The following CHSY3 variants were observed in gnomAD, a reference collection of about 807,000 sequenced individuals.
CHSY3 encodes N-acetylgalactosaminyl-proteoglycan 3-beta-glucuronosyltransferase 3.
In CHSY3, 35 loss-of-function variants were observed where a neutral mutation model predicts 67.2. The ratio of observed to expected loss-of-function variants is 0.52; its 90% CI spans 0.40 to 0.69. The LOEUF (loss-of-function observed/expected upper bound fraction) is 0.69. CHSY3 is among the 30% of genes least tolerant of loss of function. The pLI is 0.00. For synonymous variants in CHSY3, 474 were observed against 434.7 expected, an observed-to-expected ratio of 1.09 and a Z score of -1.12; for missense variants, 1,069 against 1,138.5, an observed-to-expected ratio of 0.94 and a Z score of 0.88.
intron 2 of CHSY3, among the ~76,000 whole-genome samples, chr5:130,074,445 A>T (rs1407212242): frequency 6.6e-6 from 1 of 152,204 alleles, no homozygotes; most frequent in Non-Finnish European, 1.5e-5. Context: ...AACAGAGTAG[A>T]ATAAAACCGT....
At chr5:129,930,545 T>C (rs78770396) in intron 2 of CHSY3, among the ~76,000 whole-genome samples, 1,616 of 144,460 alleles carry the variant, frequency 0.011, 38 homozygotes, top group African/African-American at 0.038. Context: ...GAGGACTTCA[T>C]GATAAACTTT....
At chr5:130,128,062 C>T (rs1022347810) in intron 2 of CHSY3, among the ~76,000 whole-genome samples, 1 of 152,064 alleles carries the variant, frequency 6.6e-6, no homozygotes, top group Non-Finnish European at 1.5e-5. Context: ...ATGTTTTGTG[C>T]TTGTTCCAAG....
intron 2 of CHSY3, among the ~76,000 whole-genome samples, chr5:130,064,047 TAA>T: frequency 6.6e-6 from 1 of 152,216 alleles, no homozygotes; most frequent in Admixed American, 6.6e-5. Flanking sequence ...TCATATGGAC[TAA>T]GTTTGCCTTC....
At chr5:130,040,222 C>T (rs1441529342) in intron 2 of CHSY3, among the ~76,000 whole-genome samples, 4 of 152,042 alleles carry the variant, frequency 2.6e-5, no homozygotes, top group African/African-American at 9.7e-5. Flanking sequence ...ATTCCATTTT[C>T]AGCCACTAAT....
intron 2 of CHSY3, among the ~76,000 whole-genome samples, chr5:129,950,988 AT>A (rs1321199180): frequency 1.3e-5 from 2 of 152,202 alleles, no homozygotes; most frequent in Non-Finnish European, 2.9e-5. Context: ...CTGATTTCAA[AT>A]TATATTACAC....
At chr5:130,087,374 T>C (rs529548808) in intron 2 of CHSY3, among the ~76,000 whole-genome samples, 16 of 152,186 alleles carry the variant, frequency 1.1e-4, no homozygotes, top group African/African-American at 3.4e-4. Flanking sequence ...CCAGGGCAAT[T>C]AGGCAGGAGA....
At chr5:129,979,544 G>T (rs986201837) in intron 2 of CHSY3, among the ~76,000 whole-genome samples, 2 of 152,024 alleles carry the variant, frequency 1.3e-5, no homozygotes, top group Admixed American at 6.6e-5. Context: ...CATAGCCTCC[G>T]CATTATCAAC....
At chr5:129,992,945 G>A (rs759557861) in intron 2 of CHSY3, among the ~76,000 whole-genome samples, 10 of 151,986 alleles carry the variant, frequency 6.6e-5, no homozygotes, top group Admixed American at 6.6e-5. Flanking sequence ...ATAAATTTTT[G>A]TTCAATATTT....
At chr5:129,959,730 T>A (rs190951081) in intron 2 of CHSY3, among the ~76,000 whole-genome samples, 2 of 152,300 alleles carry the variant, frequency 1.3e-5, no homozygotes, top group East Asian at 3.9e-4. Context: ...ATAGGAAAGA[T>A]GCTGAGAGCT....
intron 2 of CHSY3, among the ~76,000 whole-genome samples, chr5:129,921,347 G>A (rs1307774753): frequency 6.6e-6 from 1 of 152,120 alleles, no homozygotes; most frequent in East Asian, 1.9e-4. Context: ...AATCGAGGTG[G>A]CTACTGAGTG....
intron 2 of CHSY3, among the ~76,000 whole-genome samples, chr5:129,965,171 A>G (rs539855237): frequency 1.3e-5 from 2 of 152,036 alleles, no homozygotes; most frequent in East Asian, 3.9e-4. Flanking sequence ...TTTTGTGGAA[A>G]GAGCTCTGAA....
chr5:130,179,381 C>T (rs1370682563), intron 2 of CHSY3, among the ~76,000 whole-genome samples: 3 of 152,152 alleles, frequency 2.0e-5, no homozygotes, highest in Admixed American at 2.0e-4. Flanking sequence ...GCCTACCCTC[C>T]TATCAATATG....
rs913371478 is a variant in CHSY3, at chr5:129,905,280, G to A, written c.451G>A (p.Gly151Arg). 9 of 1,464,344 alleles carry A rather than the reference G, an allele frequency of 6.1e-6. No homozygotes were observed. Among genetic ancestry groups the A allele is most frequent in the African/African-American group, 2.9e-5 (2 of 70,126 alleles). The allele number at this position is 1,464,344 out of a possible 1,614,324, so 90.7% of individuals were successfully genotyped here. ...AAGQRRDGRP[G>R]SSHNGSGDGG... ...TGGGCAGCGGAGAGACGGCCGGCCG[G>A]GGAGTAGCCACAACGGCAGCGGGGA... Residue 151 changes from glycine (G) to arginine (R), a missense_variant, in exon 1 of 3, where the codon GGG becomes AGG. Around this residue, in one of 5 missense-constraint regions of CHSY3, gnomAD observed 309 missense variants for 262.5 expected, o/e 1.18. Coordinates refer to ENST00000305031, the MANE Select transcript of CHSY3 (RefSeq NM_175856.5).
chr5:130,001,367 C>A, intron 2 of CHSY3: 2 of 864,172 alleles, frequency 2.3e-6, no homozygotes, highest in Non-Finnish European at 2.8e-6. Flanking sequence ...TAAAATTCTT[C>A]TTCCTCCTAC....
At chr5:129,907,394 G>A (rs1029874822) in intron 1 of CHSY3, among the ~76,000 whole-genome samples, 1 of 152,058 alleles carries the variant, frequency 6.6e-6, no homozygotes, top group African/African-American at 2.4e-5. Context: ...ATATGAAGAA[G>A]GTGACTCTCT....
intron 2 of CHSY3, among the ~76,000 whole-genome samples, chr5:129,968,058 T>G (rs1762517525): frequency 6.6e-6 from 1 of 151,762 alleles, no homozygotes; most frequent in Admixed American, 6.6e-5. Context: ...TAAAATAAAG[T>G]TTTCAAGTTA....
intron 2 of CHSY3, among the ~76,000 whole-genome samples, chr5:130,118,687 C>T (rs538806563): frequency 2.0e-5 from 3 of 151,948 alleles, no homozygotes; most frequent in African/African-American, 4.8e-5. Flanking sequence ...CCACATGTAA[C>T]CTTAAAATGA....
chr5:130,044,769 G>A (rs191838999), intron 2 of CHSY3, among the ~76,000 whole-genome samples: 39 of 152,172 alleles, frequency 2.6e-4, no homozygotes, highest in South Asian at 6.2e-4. Context: ...GTCAAGTAAC[G>A]TAAGAAAAGC....
At chr5:129,939,829 A>G (rs1761642034) in intron 2 of CHSY3, among the ~76,000 whole-genome samples, 1 of 152,202 alleles carries the variant, frequency 6.6e-6, no homozygotes, top group African/African-American at 2.4e-5. Context: ...AGTTTAGATG[A>G]TAACTTAAAG....
Sources: gnomAD v4.1 joint callset for allele counts (sites outside exome capture counted in the v4.1 genomes callset) on GRCh38, gnomAD v4.1.1 for gene constraint, gnomAD v4.1.1 regional missense constraint, MANE v1.5 for transcripts, NCBI Gene and HGNC (gene_info 2026-07-23, HGNC 2026-07-21) for gene names.